IMMP2L: variants seen among roughly 807,000 people sequenced by gnomAD.
IMMP2L encodes the protein inner mitochondrial membrane peptidase subunit 2, also known as mitochondrial inner membrane protease subunit 2.
Under a neutral mutation model 19.3 loss-of-function variants are expected in IMMP2L, and 18 were observed. That is an observed-to-expected ratio of 0.93 (90% CI 0.64 to 1.38). The LOEUF is 1.38. Ranked by LOEUF, IMMP2L falls within the 40% of genes most tolerant of loss-of-function variation. The pLI is 0.00. For synonymous variants in IMMP2L, 76 were observed against 73.0 expected, an observed-to-expected ratio of 1.04 and a Z score of -0.21; for missense variants, 233 against 218.2, an observed-to-expected ratio of 1.07 and a Z score of -0.43.
intron 3 of IMMP2L, among the ~76,000 whole-genome samples, chr7:111,035,558 C>T (rs958228658): frequency 6.6e-6 from 1 of 152,060 alleles, no homozygotes; most frequent in African/African-American, 2.4e-5. Context: ...GATTGTGCAG[C>T]CATAATTTTT....
intron 3 of IMMP2L, among the ~76,000 whole-genome samples, chr7:111,242,272 T>C (rs1478896230): frequency 6.6e-6 from 1 of 152,088 alleles, no homozygotes; most frequent in East Asian, 1.9e-4. Context: ...CCGATTTTAA[T>C]GTAAAGCAGA....
intron 3 of IMMP2L, among the ~76,000 whole-genome samples, chr7:111,428,268 TTC>T (rs1341137922): frequency 6.6e-5 from 10 of 151,746 alleles, no homozygotes; most frequent in African/African-American, 2.4e-4. Flanking sequence ...AAAATATATT[TTC>T]TGTTTCACAT....
At chr7:110,891,330 T>C (rs1003199500) in intron 4 of IMMP2L, among the ~76,000 whole-genome samples, 1 of 152,078 alleles carries the variant, frequency 6.6e-6, no homozygotes, top group Non-Finnish European at 1.5e-5. Flanking sequence ...AAAAACTCTC[T>C]CTTGAGAATC....
intron 3 of IMMP2L, among the ~76,000 whole-genome samples, chr7:111,177,032 TG>T (rs1451577612): frequency 2.0e-5 from 3 of 151,988 alleles, no homozygotes; most frequent in South Asian, 2.1e-4. Flanking sequence ...TAAATGTTGA[TG>T]AAAAAAAAGA....
intron 3 of IMMP2L, among the ~76,000 whole-genome samples, chr7:111,266,083 G>A (rs112522545): frequency 0.019 from 2,964 of 152,102 alleles, 93 homozygotes; most frequent in African/African-American, 0.066. Flanking sequence ...ATATATTAAA[G>A]CATATTTTAC....
At chr7:110,682,698 A>G (rs1401472237) in intron 5 of IMMP2L, among the ~76,000 whole-genome samples, 1 of 152,140 alleles carries the variant, frequency 6.6e-6, no homozygotes, top group Non-Finnish European at 1.5e-5. Context: ...TGAGAGTCCT[A>G]TTGAATGCCA....
intron 5 of IMMP2L, among the ~76,000 whole-genome samples, chr7:110,875,129 A>G (rs1027085217): frequency 2.0e-5 from 3 of 152,174 alleles, no homozygotes; most frequent in Admixed American, 6.6e-5. Context: ...TTGAAAAAAT[A>G]TAACGGTTTA....
chr7:111,560,542 C>T (rs560994331), intron 1 of IMMP2L, among the ~76,000 whole-genome samples: 5 of 152,260 alleles, frequency 3.3e-5, no homozygotes, highest in African/African-American at 9.6e-5. Context: ...AAGTTTATTA[C>T]TGAAAGTACT....
intron 3 of IMMP2L, among the ~76,000 whole-genome samples, chr7:111,131,343 T>G (rs1008546172): frequency 6.6e-6 from 1 of 152,004 alleles, no homozygotes; most frequent in African/African-American, 2.4e-5. Flanking sequence ...GTGCAACGCT[T>G]GAGATATTCT....
chr7:110,979,095 C>A (rs943633450), intron 3 of IMMP2L, among the ~76,000 whole-genome samples: 1 of 151,928 alleles, frequency 6.6e-6, no homozygotes, highest in African/African-American at 2.4e-5. Flanking sequence ...TGATTTGGAC[C>A]AACCATGTTC....
At position 111,123,439 on chromosome 7, in the gene IMMP2L, A is replaced by C; in HGVS notation, c.240-159874T>G. 1 of 1,613,546 alleles carries C rather than the reference A, an allele frequency of 6.2e-7. No individual in the cohort carries two copies. The highest frequency in any genetic ancestry group is 8.5e-7 in the Non-Finnish European group (1 of 1,179,834). ...TCGCAGCCTGGTTATAGCTGGTATA[A>C]ACCTCACAGAAATACCAGATAACGC... On this transcript the variant is annotated intron_variant, in intron 3 of 5. Coordinates refer to ENST00000405709, the MANE Select transcript of IMMP2L (RefSeq NM_032549.4). The surrounding 1 kb of genome is among the most constrained non-coding windows in gnomAD (Gnocchi z 6.4).
Position 111,522,926 on chromosome 7 carries a change from C to CATTATATATAT in IMMP2L, c.-2-1478_-2-1477insATATATATAAT, listed in dbSNP as rs1554534706. 8.9e-4 allele frequency among the ~76,000 whole-genome samples: 120 copies of CATTATATATAT among 134,956 alleles called. 2 individuals carry two copies. Among genetic ancestry groups the CATTATATATAT allele is most frequent in the African/African-American group, 3.4e-3 (108 of 31,760 alleles). 88.5% of individuals were successfully genotyped at this position (134,956 alleles called of 152,430 possible). ...TGAATGAACTTTAAGATGTGAGATACATATATATATATTATTTCACCATAA... is the reference window on the plus strand; with the variant it reads ...TGAATGAACTTTAAGATGTGAGATACATTATATATATATATATATATATTATTTCACCATAA... On this transcript the variant is annotated intron_variant, in intron 1 of 5. Transcript: ENST00000405709.
chr7:111,045,470 C>A (rs1312494513), intron 3 of IMMP2L, among the ~76,000 whole-genome samples: 1 of 152,160 alleles, frequency 6.6e-6, no homozygotes, highest in Non-Finnish European at 1.5e-5. Context: ...CTTGTCACTC[C>A]TCTGTATACA....
In IMMP2L at chr7:110,758,112, G is replaced by A. The variant is rs567646370; in HGVS notation, c.409-94391C>T. 1.3e-5 allele frequency among the ~76,000 whole-genome samples: 2 copies of A among 152,186 alleles called. No individual in the cohort carries two copies. Among genetic ancestry groups the A allele is most frequent in the Admixed American group, 1.3e-4 (2 of 15,256 alleles). ...ATGTTTCAAGGAGGAAGGAAGGATG[G>A]AGCTAGTATGTTAATGTAGCTGAAG... On this transcript the variant is annotated intron_variant, in intron 5 of 5. Coordinates refer to ENST00000405709, the MANE Select transcript of IMMP2L (RefSeq NM_032549.4). This position sits in a 1 kb window ranked among gnomAD's most constrained non-coding sequence, Gnocchi z 4.6.
chr7:111,311,737 TA>T (rs1464195610), intron 3 of IMMP2L, among the ~76,000 whole-genome samples: 1 of 152,134 alleles, frequency 6.6e-6, no homozygotes, highest in African/African-American at 2.4e-5. Context: ...TATGTTTCTG[TA>T]CCCTAGAGTC....
intron 3 of IMMP2L, among the ~76,000 whole-genome samples, chr7:111,209,277 G>T (rs1429638004): frequency 6.6e-6 from 1 of 151,226 alleles, no homozygotes; most frequent in Non-Finnish European, 1.5e-5. Context: ...CGCACCTGTA[G>T]TTTCAGCTAC....
intron 3 of IMMP2L, among the ~76,000 whole-genome samples, chr7:110,981,342 T>C (rs151247417): frequency 6.6e-6 from 1 of 152,258 alleles, no homozygotes; most frequent in East Asian, 1.9e-4. Context: ...TAACAATTCT[T>C]GCCTACAGTT....
intron 3 of IMMP2L, among the ~76,000 whole-genome samples, chr7:111,079,741 A>C (rs190421671): frequency 1.2e-4 from 18 of 152,340 alleles, no homozygotes; most frequent in Admixed American, 4.6e-4. Context: ...CTATGGTTTG[A>C]ATGTGTCCCC....
At chr7:110,696,271 A>C (rs1584528353) in intron 5 of IMMP2L, among the ~76,000 whole-genome samples, 1 of 152,184 alleles carries the variant, frequency 6.6e-6, no homozygotes, top group Non-Finnish European at 1.5e-5. Context: ...GAGGTTTCTA[A>C]GTAGTGAGTG....
Sources: allele counts gnomAD v4.1 joint callset (sites outside exome capture counted in the v4.1 genomes callset), GRCh38; gene constraint gnomAD v4.1.1; non-coding constraint Gnocchi (gnomAD v3.1); transcripts MANE v1.5; gene names NCBI Gene and HGNC (gene_info 2026-07-23, HGNC 2026-07-21).